NINJ2: variants seen among roughly 807,000 people sequenced by gnomAD.
NINJ2 encodes the protein ninjurin-2.
Under a neutral mutation model 11.7 loss-of-function variants are expected in NINJ2, and 12 were observed. That is an observed-to-expected ratio of 1.02 (90% confidence interval 0.66 to 1.66). The LOEUF (loss-of-function observed/expected upper bound fraction) is 1.66. NINJ2 is among the 40% of genes most tolerant of loss of function. NINJ2 has a pLI of 0.00. For missense variants in NINJ2, 187 were observed against 181.8 expected, an observed-to-expected ratio of 1.03 and a Z score of -0.16; for synonymous variants, 93 against 76.8, an observed-to-expected ratio of 1.21 and a Z score of -1.10.
intron 1 of NINJ2, 101 bp downstream of exon 1, chr12:663,227 G>A (rs551315602): frequency 1.4e-5 from 15 of 1,053,182 alleles, no homozygotes; most frequent in Middle Eastern, 2.1e-4. Context: ...AGAAGAGAAC[G>A]GGGAGGGAGA....
chr12:588,355 A>G (rs1326169109), intron 1 of NINJ2, among the ~76,000 whole-genome samples: 1 of 152,222 alleles, frequency 6.6e-6, no homozygotes, highest in Non-Finnish European at 1.5e-5. Context: ...CTATGACATC[A>G]AATCCGGAAG....
chr12:581,211 G>A lies in NINJ2; in HGVS notation c.34-15033C>T, dbSNP rs1947550098. ...TGTCTGTCTCTGTGTGCGTGTGTGT[G>A]TCTATTGTCCCTGAGCTCAGCAGTA... On this transcript the variant is annotated intron_variant, in intron 1 of 3. Coordinates refer to ENST00000305108, the MANE Select transcript of NINJ2 (RefSeq NM_016533.6). This position sits in a 1 kb window ranked among gnomAD's most constrained non-coding sequence, Gnocchi z 4.9. 6.6e-6 allele frequency among the ~76,000 whole-genome samples: 1 copy of A among 152,056 alleles called. No homozygotes were observed.
chr12:648,980 A>ATCTGTCTG lies in NINJ2; in HGVS notation c.33+14347_33+14348insCAGACAGA, dbSNP rs1441184658. 4.5e-4 allele frequency among the ~76,000 whole-genome samples: 8 copies of ATCTGTCTG among 17,932 alleles called. No homozygotes were observed. In the Admixed American group the frequency reaches 4.5e-3, roughly 10 times the overall value. 11.8% of individuals were successfully genotyped at this position (17,932 alleles called of 152,430 possible). ...ATATTTTCAAAGAAGTCATCCACCT[A>ATCTGTCTG]TCTATCTATCTATCTGTCTATCTAT... On this transcript the variant is annotated intron_variant, in intron 1 of 3. Transcript: ENST00000305108.
At chr12:649,409 A>AAC (rs1937750274) in intron 1 of NINJ2, among the ~76,000 whole-genome samples, 1 of 151,996 alleles carries the variant, frequency 6.6e-6, no homozygotes, top group South Asian at 2.1e-4. Flanking sequence ...TGTCCTATGT[A>AAC]AAACTATTAA....
chr12:659,656 G>A (rs546867418), intron 1 of NINJ2, among the ~76,000 whole-genome samples: 1 of 152,350 alleles, frequency 6.6e-6, no homozygotes, highest in South Asian at 2.1e-4. Context: ...ACTCTTCACA[G>A]CCAGCTGTGC....
intron 1 of NINJ2, among the ~76,000 whole-genome samples, chr12:648,980 A>ATCTATCTGTCTATCTG (rs1555167420): frequency 5.6e-5 from 1 of 17,888 alleles, no homozygotes; most frequent in African/African-American, 9.6e-5. Context: ...TCATCCACCT[A>ATCTATCTGTCTATCTG]TCTATCTATC....
intron 1 of NINJ2, among the ~76,000 whole-genome samples, chr12:620,966 A>G (rs1258600768): frequency 6.6e-6 from 1 of 152,132 alleles, no homozygotes; most frequent in Non-Finnish European, 1.5e-5. Flanking sequence ...TCAGGCTTGA[A>G]AAGTTTGGCT....
chr12:631,296 A>C (rs1855333426), intron 1 of NINJ2, among the ~76,000 whole-genome samples: 1 of 152,204 alleles, frequency 6.6e-6, no homozygotes, highest in African/African-American at 2.4e-5. Flanking sequence ...TATGTTCCAG[A>C]CATGCGTGGG....
intron 1 of NINJ2, among the ~76,000 whole-genome samples, chr12:647,185 G>A (rs11612453): frequency 0.014 from 2,092 of 152,212 alleles, 23 homozygotes; most frequent in Middle Eastern, 0.024. Context: ...CAGGTGCCCC[G>A]TGGGAAAGCC....
chr12:601,345 G>A (rs1947865448), intron 1 of NINJ2, among the ~76,000 whole-genome samples: 1 of 151,770 alleles, frequency 6.6e-6, no homozygotes, highest in Non-Finnish European at 1.5e-5. Context: ...AGGAGATCGA[G>A]ACCATCCTGG....
In NINJ2 at chr12:640,966, C is replaced by T. The variant is rs1948409807; in HGVS notation, c.33+22362G>A. The T allele has an allele frequency of 6.6e-6, 1 of 152,240 alleles. No individual in the cohort carries two copies. The highest frequency in any genetic ancestry group is 2.4e-5 in the African/African-American group (1 of 41,440). 9.4% of individuals were successfully genotyped at this position (152,240 alleles called of 1,614,324 possible). A position where few individuals can be genotyped will look rare whatever the true frequency, so the allele number is the denominator to read the frequency against. ...GGAAGGAAGGCTGCAACTTAAGAGA[C>T]TGCGGTTAGAAGTGATCTTCATAAA... is the stretch of plus-strand genomic sequence containing the variant. On this transcript the variant is annotated intron_variant, in intron 1 of 3. Coordinates refer to ENST00000305108, the MANE Select transcript of NINJ2 (RefSeq NM_016533.6). This position sits in a 1 kb window ranked among gnomAD's most constrained non-coding sequence, Gnocchi z 4.0.
chr12:565,143 C>T, intron 3 of NINJ2, 74 bp downstream of exon 3: 1 of 1,258,316 alleles, frequency 7.9e-7, no homozygotes, highest in East Asian at 2.5e-5. Context: ...CTGTTTCTTG[C>T]CCCAAAGCCC....
At chr12:575,807 G>T (rs184419172) in intron 1 of NINJ2, among the ~76,000 whole-genome samples, 112 of 152,336 alleles carry the variant, frequency 7.4e-4, no homozygotes, top group African/African-American at 2.7e-3. Context: ...TTCTGGGTGG[G>T]GGAGAGGAGT....
At chr12:637,265 C>T (rs2120464263) in intron 1 of NINJ2, among the ~76,000 whole-genome samples, 1 of 152,090 alleles carries the variant, frequency 6.6e-6, no homozygotes, top group South Asian at 2.1e-4. Flanking sequence ...AGGAGAATTG[C>T]TTGAATCTGG....
At chr12:597,247 T>C (rs1947800166) in intron 1 of NINJ2, among the ~76,000 whole-genome samples, 1 of 152,198 alleles carries the variant, frequency 6.6e-6, no homozygotes, top group Non-Finnish European at 1.5e-5. Context: ...CCCCCTTCTG[T>C]GCCTCAGTCT....
Position 565,976 on chromosome 12 carries a change from A to C in NINJ2, c.236T>G (p.Val79Gly). Residue 79 changes from valine to glycine, a missense_variant, in exon 2 of 4, where the codon GTC becomes GGC. Coordinates refer to ENST00000305108, the MANE Select transcript of NINJ2 (RefSeq NM_016533.6). ...AATGACCACGAGCAGGACACCGATG[A>C]CCACCTGCAGGAGCAGAGAGAGGCT... ...LISLSLLLQV[V>G]IGVLLVVIAR... 6.2e-7 allele frequency: 1 copy of C among 1,614,206 alleles called. No individual in the cohort carries two copies. The highest frequency in any genetic ancestry group is 1.1e-5 in the South Asian group (1 of 91,076).
At chr12:660,962 A>G (rs1431311345) in intron 1 of NINJ2, among the ~76,000 whole-genome samples, 1 of 152,214 alleles carries the variant, frequency 6.6e-6, no homozygotes, top group Admixed American at 6.5e-5. Context: ...CTCCATCTCA[A>G]AAAAAACTGT....
chr12:634,262 G>GTTTTTTTTTTTTTTTT (rs1565643231), intron 1 of NINJ2, among the ~76,000 whole-genome samples: 17 of 75,606 alleles, frequency 2.2e-4, no homozygotes, highest in Admixed American at 5.6e-4. Context: ...ATTAGTTGCA[G>GTTTTTTTTTTTTTTTT]TTCTTTTTTT....
rs147734742 is a variant in NINJ2, at chr12:630,913, G to T, written c.33+32415C>A. On this transcript the variant is annotated intron_variant, in intron 1 of 3. Transcript: ENST00000305108. ...GTCAGCTTCAAGCCTGACGTTCTAG[G>T]GGGGAGCCGCTTCTTAAGTACGTGC... is the stretch of plus-strand genomic sequence containing the variant. The T allele has an allele frequency of 5.9e-5, 9 of 152,438 alleles. No homozygotes were observed. The South Asian group carries it at 6.2e-4, about 11-fold the overall frequency. The allele number at this position is 152,438 out of a possible 1,614,324, so 9.4% of individuals were successfully genotyped here.
Sources: allele counts gnomAD v4.1 joint callset (sites outside exome capture counted in the v4.1 genomes callset), GRCh38; gene constraint gnomAD v4.1.1; non-coding constraint Gnocchi (gnomAD v3.1); transcripts MANE v1.5; gene names NCBI Gene and HGNC (gene_info 2026-07-23, HGNC 2026-07-21).